KMT2D: variants seen among roughly 807,000 people sequenced by gnomAD.
The protein encoded by KMT2D is lysine methyltransferase 2D.
A neutral mutation model predicts 512.7 loss-of-function variants in KMT2D; 55 were observed. That is an observed-to-expected ratio of 0.11 (90% CI 0.09 to 0.13). KMT2D has a LOEUF of 0.13. KMT2D is among the 10% of genes least tolerant of loss of function. The probability of loss-of-function intolerance (pLI) is 1.00; values close to 1 mark genes in which losing one functional copy is unlikely to be tolerated. For synonymous variants in KMT2D, 2,995 were observed against 2,904.0 expected (o/e 1.03, Z -1.01); for missense variants, 6,061 against 7,127.9 (o/e 0.85, Z 5.39).
intron 15 of KMT2D, among the ~76,000 whole-genome samples, chr12:49,047,415 T>C (rs1336830089): frequency 1.4e-5 from 2 of 140,510 alleles, no homozygotes; most frequent in African/African-American, 2.8e-5. Context: ...CCTTTTTTTT[T>C]TTTTTTTTTT....
Position 49,020,034 on chromosome 12 carries a change from C to T in KMT2D, c.*1746G>A, listed in dbSNP as rs373700153. On this transcript the variant is annotated 3_prime_UTR_variant, in exon 55 of 55. Transcript: ENST00000301067. ...CTGCATATAAGCTTCATCTTCATCC[C>T]CACGGTTCCCTACCAGAGAGGGGTT... is the stretch of plus-strand genomic sequence containing the variant. 5.8e-5 allele frequency: 12 copies of T among 205,536 alleles called. No individual in the cohort carries two copies. Among genetic ancestry groups the T allele is most frequent in the African/African-American group, 2.3e-4 (10 of 43,654 alleles). 12.7% of individuals were successfully genotyped at this position (205,536 alleles called of 1,614,324 possible). A position where few individuals can be genotyped will look rare whatever the true frequency, so the allele number is the denominator to read the frequency against.
At position 49,038,574 on chromosome 12, in the gene KMT2D, C is replaced by G. The variant is rs1415216647; in HGVS notation, c.8782G>C (p.Gly2928Arg). The change falls in exon 35 of 55, where the codon GGT becomes CGT. Residue 2928 changes from glycine to arginine, a missense_variant. Transcript: ENST00000301067. The surrounding 1 kb of genome is among the most constrained non-coding windows in gnomAD (Gnocchi z 5.7). The stretch of plus-strand genomic sequence containing the variant: ...GCTGAGGGTTTCTGTGGGGGAAGAC[C>G]TGATACCGCCAGGCCCCGAAGCCCT... ...PEGLRGLAVS[G>R]LPPQKPSAPP... 1 of 1,612,514 alleles carries G rather than the reference C, an allele frequency of 6.2e-7. No homozygotes were observed. Among genetic ancestry groups the G allele is most frequent in the South Asian group, 1.1e-5 (1 of 91,074 alleles).
chr12:49,025,148 T>C (rs1463580203), intron 49 of KMT2D, among the ~76,000 whole-genome samples: 2 of 152,132 alleles, frequency 1.3e-5, no homozygotes, highest in South Asian at 2.1e-4. Flanking sequence ...CAAGGGGTCA[T>C]CACAGAGCCT....
In KMT2D at chr12:49,046,098, C is replaced by T. The variant is rs749382399; in HGVS notation, c.4660G>A (p.Val1554Ile). 5 of 1,611,292 alleles carry T rather than the reference C, an allele frequency of 3.1e-6. No homozygotes were observed. Among genetic ancestry groups the T allele is most frequent in the Non-Finnish European group, 4.2e-6 (5 of 1,178,680 alleles). The change falls in exon 18 of 55, where the codon GTC (valine) becomes ATC (isoleucine). Residue 1554 changes from valine (V) to isoleucine (I), a missense_variant. This residue lies in a region of KMT2D where 640 missense variants were observed against 814.3 expected (regional missense o/e 0.79). Coordinates refer to ENST00000301067, the MANE Select transcript of KMT2D (RefSeq NM_003482.4). This position sits in a 1 kb window ranked among gnomAD's most constrained non-coding sequence, Gnocchi z 4.2. ...TTTACCACGTAGGGCTGGCAGGAGACACAGTCAAAGCCTTCATCGGCTGCC... is the reference window on the plus strand; with the variant it reads ...TTTACCACGTAGGGCTGGCAGGAGATACAGTCAAAGCCTTCATCGGCTGCC... ...EQAADEGFDC[V>I]SCQPYVVKPV...
Position 49,032,761 on chromosome 12 carries a change from G to T in KMT2D, c.11944C>A (p.Arg3982=). 6.4e-7 allele frequency: 1 copy of T among 1,573,042 alleles called. No individual in the cohort carries two copies. Among genetic ancestry groups the T allele is most frequent in the East Asian group, 2.3e-5 (1 of 42,734 alleles). The change falls in exon 40 of 55, where the codon CGA becomes AGA. Residue 3982 remains arginine, a synonymous_variant. Coordinates refer to ENST00000301067, the MANE Select transcript of KMT2D (RefSeq NM_003482.4). ...QQQMGLLNQS[R]TLLSPQQQQQ... ...TGTTGCTGAGGAGACAGTAAAGTTC[G>T]ACTCTGGTTTAAAAGGCCCATCTGC...
rs1371792291 is a variant in KMT2D at position 49,054,816 on chromosome 12, T to C, written c.177-65A>G. 1.2e-6 allele frequency: 2 copies of C among 1,605,186 alleles called. No homozygotes were observed. The highest frequency in any genetic ancestry group is 1.3e-5 in the African/African-American group (1 of 74,722). The stretch of plus-strand genomic sequence containing the variant: ...GCAACCCCATGATCTGGCATGCCCA[T>C]GCTTCCCCAACACTCATTTTCCTAA... On this transcript the variant is annotated intron_variant, in intron 3 of 54. Coordinates refer to ENST00000301067, the MANE Select transcript of KMT2D (RefSeq NM_003482.4). This position sits in a 1 kb window ranked among gnomAD's most constrained non-coding sequence, Gnocchi z 6.4.
chr12:49,040,895 A>T lies in KMT2D; in HGVS notation c.6875T>A (p.Leu2292His). The T allele has an allele frequency of 1.2e-6, 2 of 1,613,856 alleles. No homozygotes were observed. Among genetic ancestry groups the T allele is most frequent in the Non-Finnish European group, 1.7e-6 (2 of 1,179,786 alleles). ...RKALEVKKEE[L>H]GASSPSYGPP... ...CCCATAGCTAGGAGAGGATGCCCCA[A>T]GCTCTTCCTTCTTCACCTCTAGGGC... is the stretch of plus-strand genomic sequence containing the variant. The change falls in exon 32 of 55, where the codon CTT becomes CAT. Residue 2292 changes from leucine to histidine, a missense_variant. This residue lies in a region of KMT2D where 710 missense variants were observed against 647.3 expected (regional missense o/e 1.10). Transcript: ENST00000301067.
rs1157069182 is a variant in KMT2D, at chr12:49,037,802, AAGG to A, written c.9551_9553del (p.Ser3184del). The A allele has an allele frequency of 6.3e-7, 1 of 1,597,258 alleles. No homozygotes were observed. Among genetic ancestry groups the A allele is most frequent in the African/African-American group, 1.3e-5 (1 of 74,784 alleles). ...AGCTGGTGGTCCTCCCGTGGCCCCA[AAGG>A]AGGCCTTCTCAGCTGTGTGCCCACT... is the stretch of plus-strand genomic sequence containing the variant. On this transcript the variant is annotated inframe_deletion, in exon 35 of 55. Transcript: ENST00000301067.
rs1338026242 is a variant in KMT2D at position 49,042,536 on chromosome 12, A to T, written c.5867+25T>A. 2 of 1,611,008 alleles carry T rather than the reference A, an allele frequency of 1.2e-6. No homozygotes were observed. The highest frequency in any genetic ancestry group is 8.5e-7 in the Non-Finnish European group (1 of 1,177,816). On this transcript the variant is annotated intron_variant, in intron 28 of 54. Transcript: ENST00000301067. The surrounding 1 kb of genome is among the most constrained non-coding windows in gnomAD (Gnocchi z 4.4). ...AGGGAAAGGACAACGAGGACTGCCCACAAAGGTTACGCAGAGACACCAACC... is the reference window on the plus strand; with the variant it reads ...AGGGAAAGGACAACGAGGACTGCCCTCAAAGGTTACGCAGAGACACCAACC...
In KMT2D at chr12:49,022,130, G is replaced by C. The variant is rs769312851; in HGVS notation, c.16434C>G (p.Ala5478=). 6.2e-7 allele frequency: 1 copy of C among 1,613,820 alleles called. No individual in the cohort carries two copies. Among genetic ancestry groups the C allele is most frequent in the Non-Finnish European group, 8.5e-7 (1 of 1,179,856 alleles). Residue 5478 remains alanine, a synonymous_variant, in exon 54 of 55, where the codon GCC becomes GCG. Transcript: ENST00000301067. The surrounding 1 kb of genome is among the most constrained non-coding windows in gnomAD (Gnocchi z 8.6). The part of the protein sequence containing the change: ...GPARYINHSC[A]PNCVAEVVTF... ...TCACGACTTCGGCCACACAGTTAGG[G>C]GCACAGGAATGGTTAATGTACCTGG...
In KMT2D at chr12:49,039,858, T is replaced by G. The variant is rs1475566918; in HGVS notation, c.7912A>C (p.Ile2638Leu). 6.2e-7 allele frequency: 1 copy of G among 1,614,042 alleles called. No individual in the cohort carries two copies. Among genetic ancestry groups the G allele is most frequent in the Admixed American group, 1.7e-5 (1 of 60,028 alleles). Reference protein sequence around the residue: ...LSHGASQRSGITSPVEKREDP... With the variant: ...LSHGASQRSGLTSPVEKREDP... ...TCTCGCTTTTCGACAGGAGAGGTGA[T>G]GCCTGATCGCTGTGAGGCTCCATGG... Residue 2638 changes from isoleucine (I) to leucine (L), a missense_variant, in exon 32 of 55, where the codon ATC becomes CTC. Ile to Leu is a conservative substitution (Grantham distance 5). Around this residue, in one of 16 missense-constraint regions of KMT2D, gnomAD observed 527 missense variants for 578.9 expected, o/e 0.91. Coordinates refer to ENST00000301067, the MANE Select transcript of KMT2D (RefSeq NM_003482.4). The surrounding 1 kb of genome is among the most constrained non-coding windows in gnomAD (Gnocchi z 5.0).
At position 49,049,225 on chromosome 12, in the gene KMT2D, G is replaced by GA. The variant is rs746197521; in HGVS notation, c.3907-8dup. The GA allele has an allele frequency of 6.4e-6, 10 of 1,560,196 alleles. No individual in the cohort carries two copies. In the South Asian group the frequency reaches 1.2e-4, roughly 18 times the overall value. ...GGAAACTGCTGCTGCGACCCTGAGT[G>GA]AAAGAAGGGGACAATGACAGGAGCA... is the stretch of plus-strand genomic sequence containing the variant. On this transcript the variant is annotated splice_region_variant and splice_polypyrimidine_tract_variant and intron_variant, in intron 12 of 54. Transcript: ENST00000301067.
chr12:49,059,335 C>T (rs921611281), intron 1 of KMT2D, among the ~76,000 whole-genome samples: 3 of 152,118 alleles, frequency 2.0e-5, no homozygotes, highest in Non-Finnish European at 4.4e-5. Context: ...GCTCCCCCAA[C>T]ACAAAAATAA....
rs768278929 is a variant in KMT2D at position 49,031,545 on chromosome 12, T to C, written c.13160A>G (p.Gln4387Arg). Reference sequence around the variant, plus strand: ...TACCAGGCTGCTCTGCTCTGGCTTCTGGGTTTCTGCTAGGTTGTCTGGGGG... The same window carrying C: ...TACCAGGCTGCTCTGCTCTGGCTTCCGGGTTTCTGCTAGGTTGTCTGGGGG... ...WDPPDNLAET[Q>R]KPEQSSLVPG... Residue 4387 changes from glutamine to arginine, a missense_variant, in exon 40 of 55, where the codon CAG (glutamine) becomes CGG (arginine). Physicochemically the swap from Gln to Arg is conservative, Grantham distance 43 (BLOSUM62 1). Coordinates refer to ENST00000301067, the MANE Select transcript of KMT2D (RefSeq NM_003482.4). The C allele has an allele frequency of 1.2e-6, 2 of 1,605,452 alleles. No individual in the cohort carries two copies. The highest frequency in any genetic ancestry group is 1.7e-6 in the Non-Finnish European group (2 of 1,175,936).
intron 12 of KMT2D, among the ~76,000 whole-genome samples, 169 bp from the exon 13 acceptor site, chr12:49,049,387 T>C (rs368796205): frequency 6.6e-6 from 1 of 152,148 alleles, no homozygotes; most frequent in African/African-American, 2.4e-5. Context: ...AACAAGCGCA[T>C]AGCTCTAGCC....
chr12:49,053,407 C>T lies in KMT2D; in HGVS notation c.839+69G>A, dbSNP rs1016546469. On this transcript the variant is annotated intron_variant, in intron 7 of 54. Coordinates refer to ENST00000301067, the MANE Select transcript of KMT2D (RefSeq NM_003482.4). Reference sequence around the variant, plus strand: ...TGTTTTCATGTTAACAGGCCTTCTCCGACTGCCCTCATTTTCAACCCTAAC... The same window carrying T: ...TGTTTTCATGTTAACAGGCCTTCTCTGACTGCCCTCATTTTCAACCCTAAC... 38 of 1,606,990 alleles carry T rather than the reference C, an allele frequency of 2.4e-5. No homozygotes were observed. In the East Asian group the frequency reaches 3.6e-4, roughly 15 times the overall value.
chr12:49,060,201 C>T lies in KMT2D; in HGVS notation c.-626G>A, dbSNP rs1262383763. ...CGCGGGGCTGAACCTGACACACACCCAGCGCCGGGCTTCTCGACCCCGAGC... is the reference window on the plus strand; with the variant it reads ...CGCGGGGCTGAACCTGACACACACCTAGCGCCGGGCTTCTCGACCCCGAGC... On this transcript the variant is annotated 5_prime_UTR_variant, in exon 1 of 55. Coordinates refer to ENST00000301067, the MANE Select transcript of KMT2D (RefSeq NM_003482.4). Among the ~76,000 whole-genome samples, 1 of 151,918 alleles carries T rather than the reference C, an allele frequency of 6.6e-6. No individual in the cohort carries two copies. The highest frequency in any genetic ancestry group is 1.5e-5 in the Non-Finnish European group (1 of 67,896).
In KMT2D at chr12:49,040,271, G is replaced by A. The variant is rs369604891; in HGVS notation, c.7499C>T (p.Ala2500Val). ...GAGGFPAALP[A>V]GPAGELHAKV... The stretch of plus-strand genomic sequence containing the variant: ...GGCATGGAGCTCACCTGCTGGCCCC[G>A]CGGGCAGGGCTGCTGGGAACCCCCC... The change falls in exon 32 of 55, where the codon GCG becomes GTG. Residue 2500 changes from alanine to valine, a missense_variant. Transcript: ENST00000301067. 41 of 1,609,340 alleles carry A rather than the reference G, an allele frequency of 2.5e-5. No homozygotes were observed. The highest frequency in any genetic ancestry group is 2.3e-4 in the African/African-American group (17 of 74,840).
At position 49,038,885 on chromosome 12, in the gene KMT2D, G is replaced by A. The variant is rs1943353246; in HGVS notation, c.8471C>T (p.Thr2824Ile). The A allele has an allele frequency of 6.4e-7, 1 of 1,551,798 alleles. No individual in the cohort carries two copies. Among genetic ancestry groups the A allele is most frequent in the African/African-American group, 1.4e-5 (1 of 73,156 alleles). Residue 2824 changes from threonine (T) to isoleucine (I), a missense_variant, in exon 35 of 55, where the codon ACA (threonine) becomes ATA (isoleucine). By Grantham distance (89) the Thr-to-Ile change is moderately conservative. Around this residue, in one of 16 missense-constraint regions of KMT2D, gnomAD observed 527 missense variants for 578.9 expected, o/e 0.91. Transcript: ENST00000301067. The surrounding 1 kb of genome is among the most constrained non-coding windows in gnomAD (Gnocchi z 5.7). Reference protein sequence around the residue: ...QQQLWQQQQATAATSMRFAMS... With the variant: ...QQQLWQQQQAIAATSMRFAMS... ...GGCAAATCGCATGGAGGTTGCTGCTGTTGCCTGTTGTTGCTGCCACAGTTG... is the reference window on the plus strand; with the variant it reads ...GGCAAATCGCATGGAGGTTGCTGCTATTGCCTGTTGTTGCTGCCACAGTTG...
Sources: gnomAD v4.1 joint callset for allele counts (sites outside exome capture counted in the v4.1 genomes callset) on GRCh38, gnomAD v4.1.1 for gene constraint, gnomAD v4.1.1 regional missense constraint, Gnocchi (gnomAD v3.1) non-coding constraint, MANE v1.5 for transcripts, NCBI Gene and HGNC (gene_info 2026-07-23, HGNC 2026-07-21) for gene names.